Variants in ABCG2 observed in about 807,000 individuals in gnomAD.
ABCG2 encodes broad substrate specificity ATP-binding cassette transporter ABCG2.
A neutral mutation model predicts 73.5 loss-of-function variants in ABCG2; 80 were observed. That is an observed-to-expected ratio of 1.09 (90% CI 0.91 to 1.31). The LOEUF (loss-of-function observed/expected upper bound fraction) is 1.31. ABCG2 is among the 50% of genes most tolerant of loss of function. The probability of loss-of-function intolerance (pLI) is 0.00; values close to 1 mark genes in which losing one functional copy is unlikely to be tolerated. For missense variants in ABCG2, 796 were observed against 786.2 expected (o/e 1.01, Z -0.15); for synonymous variants, 269 against 282.4 (o/e 0.95, Z 0.48).
intron 1 of ABCG2, among the ~76,000 whole-genome samples, chr4:88,192,351 C>T (rs1445760229): frequency 1.3e-5 from 2 of 152,138 alleles, no homozygotes; most frequent in African/African-American, 2.4e-5. Flanking sequence ...TGTATACTTA[C>T]AAGAGGTGAA....
upstream of ABCG2, chr4:88,159,328 T>C: frequency 2.5e-6 from 1 of 407,992 alleles, no homozygotes; most frequent in South Asian, 1.7e-5. Flanking sequence ...AAATGGGTGG[T>C]TTCTGGTGAA....
chr4:88,192,175 T>A (rs1395566140), intron 1 of ABCG2, among the ~76,000 whole-genome samples: 6 of 105,990 alleles, frequency 5.7e-5, no homozygotes, highest in Non-Finnish European at 1.1e-4. Context: ...AGCAAAACTC[T>A]GTGTCAAGAA....
rs60866992 is a variant in ABCG2 at position 88,210,606 on chromosome 4, T to TTC, written c.-20+20387_-20+20388insGA. The stretch of plus-strand genomic sequence containing the variant: ...ATACTTTTTCTTTTCTTTTTTTTTT[T>TTC]CTAAGAGATGGGATCTTGCTCTGTT... On this transcript the variant is annotated intron_variant, in intron 1 of 15. Transcript: ENST00000515655. Among the ~76,000 whole-genome samples the TTC allele has an allele frequency of 7.9e-5, 12 of 151,298 alleles. No homozygotes were observed. The East Asian group carries it at 1.9e-3, about 25-fold the overall frequency.
chr4:88,179,485 A>C (rs1728144005), intron 1 of ABCG2, among the ~76,000 whole-genome samples: 1 of 152,218 alleles, frequency 6.6e-6, no homozygotes, highest in African/African-American at 2.4e-5. Context: ...ACTTATCTTC[A>C]ATGCTCAGAT....
upstream of ABCG2, chr4:88,158,841 G>C (rs1043452338): frequency 2.4e-5 from 8 of 333,878 alleles, no homozygotes; most frequent in African/African-American, 7.0e-5. Flanking sequence ...TCCAGGGGAC[G>C]AGCTCAGGCA....
At chr4:88,148,225 G>C (rs1481769369) in intron 1 of ABCG2, among the ~76,000 whole-genome samples, 1 of 152,102 alleles carries the variant, frequency 6.6e-6, no homozygotes, top group Non-Finnish European at 1.5e-5. Context: ...GCTGCTTGTG[G>C]GACTTGAGTA....
At chr4:88,149,791 C>T (rs910089133) in intron 1 of ABCG2, among the ~76,000 whole-genome samples, 69 of 152,178 alleles carry the variant, frequency 4.5e-4, no homozygotes, top group African/African-American at 1.5e-3. Flanking sequence ...GCAGAGGTTG[C>T]GGTGAGCTGA....
intron 7 of ABCG2, among the ~76,000 whole-genome samples, chr4:88,115,534 T>C (rs1011119224): frequency 6.8e-4 from 101 of 148,870 alleles, no homozygotes; most frequent in Middle Eastern, 3.5e-3. Flanking sequence ...TCCACCCGCC[T>C]CGGCCTCCCA....
intron 1 of ABCG2, among the ~76,000 whole-genome samples, chr4:88,165,236 C>T (rs541381555): frequency 6.6e-6 from 1 of 152,298 alleles, no homozygotes; most frequent in Non-Finnish European, 1.5e-5. Flanking sequence ...TATTCGTTTT[C>T]TATTGCTGCC....
upstream of ABCG2, among the ~76,000 whole-genome samples, chr4:88,160,114 G>A (rs1727223388): frequency 6.6e-6 from 1 of 151,810 alleles, no homozygotes; most frequent in Admixed American, 6.6e-5. Flanking sequence ...GTGGTGGCGA[G>A]GCTGTAATCC....
chr4:88,135,216 A>T (rs1184399820), intron 2 of ABCG2, among the ~76,000 whole-genome samples: 4 of 152,156 alleles, frequency 2.6e-5, no homozygotes, highest in African/African-American at 9.7e-5. Context: ...TCATCCCTGA[A>T]ACTGCATTCC....
chr4:88,211,119 T>C (rs1320245305), intron 1 of ABCG2, among the ~76,000 whole-genome samples: 1 of 151,334 alleles, frequency 6.6e-6, no homozygotes, highest in Non-Finnish European at 1.5e-5. Flanking sequence ...AAAATATATA[T>C]ATATATGTAA....
intron 13 of ABCG2, among the ~76,000 whole-genome samples, chr4:88,096,903 A>T (rs1207123827): frequency 1.3e-5 from 2 of 152,202 alleles, no homozygotes; most frequent in Non-Finnish European, 2.9e-5. Flanking sequence ...TACTCAAACC[A>T]TACTCTGTTC....
chr4:88,213,982 CTTTTTT>C (rs33984842), intron 1 of ABCG2, among the ~76,000 whole-genome samples: 1 of 59,622 alleles, frequency 1.7e-5, no homozygotes, highest in African/African-American at 6.6e-5. Context: ...CACGCCCGGC[CTTTTTT>C]TTTTTTTTTT....
chr4:88,202,851 C>T (rs1729236972), intron 1 of ABCG2, among the ~76,000 whole-genome samples: 1 of 151,890 alleles, frequency 6.6e-6, no homozygotes. Flanking sequence ...AGAGAGGGAC[C>T]CTGTCTCTAA....
chr4:88,225,662 A>C (rs1381387974), intron 1 of ABCG2, among the ~76,000 whole-genome samples: 1 of 152,208 alleles, frequency 6.6e-6, no homozygotes, highest in African/African-American at 2.4e-5. Flanking sequence ...ATGGTATCAT[A>C]TGAGTCATGA....
At chr4:88,188,084 T>C (rs1259350836) in intron 1 of ABCG2, among the ~76,000 whole-genome samples, 1 of 152,218 alleles carries the variant, frequency 6.6e-6, no homozygotes, top group Non-Finnish European at 1.5e-5. Context: ...TGATTTTCTC[T>C]TATGTTTTCT....
intron 14 of ABCG2, 55 bp downstream of exon 14, chr4:88,095,465 T>A: frequency 6.7e-7 from 1 of 1,494,916 alleles, no homozygotes; most frequent in South Asian, 1.1e-5. Context: ...GACACTTGAT[T>A]TCCATTGTTC....
chr4:88,185,911 T>C (rs1728435449), intron 1 of ABCG2, among the ~76,000 whole-genome samples: 3 of 152,210 alleles, frequency 2.0e-5, no homozygotes, highest in African/African-American at 7.2e-5. Flanking sequence ...TTGGCAGGAA[T>C]ACATATTAGT....
Sources: gnomAD v4.1 joint callset for allele counts (sites outside exome capture counted in the v4.1 genomes callset) on GRCh38, gnomAD v4.1.1 for gene constraint, MANE v1.5 for transcripts, NCBI Gene and HGNC (gene_info 2026-07-23, HGNC 2026-07-21) for gene names.